Variants in ZNF236 observed in about 807,000 individuals in gnomAD.
ZNF236 encodes regulated by glucose.
A neutral mutation model predicts 191.2 loss-of-function variants in ZNF236; 50 were observed. The ratio of observed to expected loss-of-function variants is 0.26; its 90% confidence interval spans 0.21 to 0.33. ZNF236 has a LOEUF of 0.33. Among genes scored for constraint, ZNF236 ranks in the 10% least tolerant of loss-of-function variants. ZNF236 has a pLI of 1.00. For synonymous variants in ZNF236, 907 were observed against 928.8 expected (o/e 0.98, Z 0.43); for missense variants, 1,754 against 2,374.5 (o/e 0.74, Z 5.43).
At chr18:76,881,969 TC>T (rs1976914563) in intron 9 of ZNF236, among the ~76,000 whole-genome samples, 2 of 152,276 alleles carry the variant, frequency 1.3e-5, no homozygotes, top group East Asian at 3.9e-4. Context: ...GCAGCACAGC[TC>T]CCTCCTCCAC....
At chr18:76,849,931 A>T (rs947767659) in intron 2 of ZNF236, among the ~76,000 whole-genome samples, 2 of 152,260 alleles carry the variant, frequency 1.3e-5, no homozygotes, top group African/African-American at 4.8e-5. Flanking sequence ...TTTAAAAAAT[A>T]TGACTTTTTA....
At chr18:76,883,653 C>T (rs1255300452) in intron 9 of ZNF236, among the ~76,000 whole-genome samples, 3 of 152,124 alleles carry the variant, frequency 2.0e-5, no homozygotes, top group African/African-American at 7.2e-5. Flanking sequence ...GTCTTAAATT[C>T]CTGGCCTCAA....
At chr18:76,846,654 A>G (rs950536138) in intron 1 of ZNF236, among the ~76,000 whole-genome samples, 6 of 152,242 alleles carry the variant, frequency 3.9e-5, no homozygotes, top group African/African-American at 1.4e-4. Context: ...AACCAAATTA[A>G]TTCTGTGTTA....
intron 25 of ZNF236, among the ~76,000 whole-genome samples, chr18:76,932,935 T>G (rs1967896081): frequency 6.6e-6 from 1 of 152,180 alleles, no homozygotes; most frequent in Admixed American, 6.5e-5. Flanking sequence ...ACTCCTGTGA[T>G]CTGGCTAGTT....
At chr18:76,901,638 A>T (rs1008827728) in intron 11 of ZNF236, among the ~76,000 whole-genome samples, 1 of 152,004 alleles carries the variant, frequency 6.6e-6, no homozygotes, top group Non-Finnish European at 1.5e-5. Flanking sequence ...GGCACCAATA[A>T]TCCCAGCTAC....
At chr18:76,905,463 G>A in intron 13 of ZNF236, 48 bp downstream of exon 13, 2 of 1,569,776 alleles carry the variant, frequency 1.3e-6, no homozygotes, top group African/African-American at 1.4e-5. Flanking sequence ...ATAATTTCCA[G>A]TAGATGGTGG....
Position 76,919,647 on chromosome 18 carries a change from C to G in ZNF236, c.3275-129C>G, listed in dbSNP as rs998989271. The stretch of plus-strand genomic sequence containing the variant: ...GTGGGAAAATATAGCAACTCTCTAC[C>G]ATCATAAAAATAGCTTGGTTGAGTT... On this transcript the variant is annotated intron_variant, in intron 19 of 30. Coordinates refer to ENST00000320610, the MANE Select transcript of ZNF236 (RefSeq NM_001306089.2). The surrounding 1 kb of genome is among the most constrained non-coding windows in gnomAD (Gnocchi z 5.3). 1 of 1,131,942 alleles carries G rather than the reference C, an allele frequency of 8.8e-7. No homozygotes were observed. The highest frequency in any genetic ancestry group is 1.2e-6 in the Non-Finnish European group (1 of 802,466). 70.1% of individuals were successfully genotyped at this position (1,131,942 alleles called of 1,614,324 possible). A position where few individuals can be genotyped will look rare whatever the true frequency, so the allele number is the denominator to read the frequency against.
intron 3 of ZNF236, among the ~76,000 whole-genome samples, chr18:76,853,665 A>G (rs949731438): frequency 3.9e-5 from 6 of 152,122 alleles, no homozygotes; most frequent in South Asian, 4.1e-4. Context: ...AGTAAGTTCA[A>G]GAGATCTGTT....
intron 26 of ZNF236, among the ~76,000 whole-genome samples, chr18:76,944,358 A>G (rs1968207769): frequency 6.6e-6 from 1 of 152,254 alleles, no homozygotes; most frequent in South Asian, 2.1e-4. Flanking sequence ...ACTGCAAATA[A>G]TAATACAAAC....
At chr18:76,851,657 T>G in intron 2 of ZNF236, 118 bp from the exon 3 acceptor site, 1 of 1,134,196 alleles carries the variant, frequency 8.8e-7, no homozygotes. Context: ...AGAGGAGACT[T>G]CAGAAGTTTC....
In ZNF236 at chr18:76,881,267, G is replaced by A. The variant is rs1451430045; in HGVS notation, c.1189-17G>A. 7 of 1,609,174 alleles carry A rather than the reference G, an allele frequency of 4.4e-6. No individual in the cohort carries two copies. Among genetic ancestry groups the A allele is most frequent in the Non-Finnish European group, 5.9e-6 (7 of 1,178,346 alleles). On this transcript the variant is annotated splice_polypyrimidine_tract_variant and intron_variant, in intron 8 of 30. Transcript: ENST00000320610. Reference sequence around the variant, plus strand: ...GCCATCGTTACCTTCTAACCTTTTAGTTTTGTTCTGTCTTAGCAAGCCTTA... The same window carrying A: ...GCCATCGTTACCTTCTAACCTTTTAATTTTGTTCTGTCTTAGCAAGCCTTA...
chr18:76,921,489 G>C (rs556977672), intron 20 of ZNF236, among the ~76,000 whole-genome samples: 5 of 152,290 alleles, frequency 3.3e-5, no homozygotes, highest in African/African-American at 1.2e-4. Flanking sequence ...GTTGTGTGTG[G>C]CCTGGAGGAA....
intron 1 of ZNF236, among the ~76,000 whole-genome samples, chr18:76,833,342 G>A (rs1490442581): frequency 1.3e-5 from 2 of 152,018 alleles, no homozygotes; most frequent in Non-Finnish European, 2.9e-5. Flanking sequence ...TTCTTTTGGG[G>A]GGTGGAGGTA....
At chr18:76,865,806 A>G (rs1782713177) in intron 3 of ZNF236, among the ~76,000 whole-genome samples, 1 of 152,262 alleles carries the variant, frequency 6.6e-6, no homozygotes, top group Non-Finnish European at 1.5e-5. Flanking sequence ...TGTTATATGT[A>G]AAGTATGCCT....
Position 76,971,606 on chromosome 18 carries a change from G to A in ZNF236, c.*3267G>A, listed in dbSNP as rs527712232. On this transcript the variant is annotated 3_prime_UTR_variant, in exon 31 of 31. Transcript: ENST00000320610. ...TCATATCACATTTATTACAAGAGAC[G>A]CATGTGTTAGCACAGCTACACAATT... Among the ~76,000 whole-genome samples the A allele has an allele frequency of 3.9e-5, 6 of 152,312 alleles. No homozygotes were observed. The highest frequency in any genetic ancestry group is 1.4e-4 in the African/African-American group (6 of 41,570).
chr18:76,823,347 G>A (rs1056898607), intron 1 of ZNF236, among the ~76,000 whole-genome samples: 1 of 151,598 alleles, frequency 6.6e-6, no homozygotes, highest in Admixed American at 6.6e-5. Context: ...CTCTGCAGAC[G>A]CTGTGGGTAG....
intron 1 of ZNF236, among the ~76,000 whole-genome samples, chr18:76,823,926 G>C (rs1974944166): frequency 6.6e-6 from 1 of 152,212 alleles, no homozygotes; most frequent in Non-Finnish European, 1.5e-5. Flanking sequence ...CTGGTCACCC[G>C]TGCAACTGGA....
intron 18 of ZNF236, 72 bp downstream of exon 18, chr18:76,913,970 C>T: frequency 6.6e-7 from 1 of 1,507,436 alleles, no homozygotes; most frequent in Non-Finnish European, 9.1e-7. Flanking sequence ...AATCCATATA[C>T]CATTCAGTTC....
intron 30 of ZNF236, among the ~76,000 whole-genome samples, chr18:76,961,370 TGTGTG>T (rs1568249517): frequency 2.1e-3 from 5 of 2,360 alleles, no homozygotes; most frequent in African/African-American, 4.8e-3. Context: ...TATTCCATTG[TGTGTG>T]TGTGTGTGTG....
Sources: allele counts gnomAD v4.1 joint callset (sites outside exome capture counted in the v4.1 genomes callset), GRCh38; gene constraint gnomAD v4.1.1; non-coding constraint Gnocchi (gnomAD v3.1); transcripts MANE v1.5; gene names NCBI Gene and HGNC (gene_info 2026-07-23, HGNC 2026-07-21).